Variants in TMEM217 observed in about 807,000 individuals in gnomAD.
TMEM217 encodes the protein chromosome 6 open reading frame 128.
For synonymous variants in TMEM217, 76 were observed against 88.3 expected, an observed-to-expected ratio of 0.86 and a Z score of 0.78; for missense variants, 204 against 248.8, an observed-to-expected ratio of 0.82 and a Z score of 1.21.
rs74498453 is a variant in TMEM217 at position 37,231,799 on chromosome 6, A to T, written c.-11-12758T>A. 1.2e-4 allele frequency among the ~76,000 whole-genome samples: 17 copies of T among 145,426 alleles called. No homozygotes were observed. In the Admixed American group the frequency reaches 1.2e-3, roughly 10 times the overall value. ...TTTTCAATGTAGAGATAAATGTACA[A>T]TTTTTTTTTTTCAGGAAATGGGGCT... On this transcript the variant is annotated intron_variant, in intron 1 of 1. Coordinates refer to ENST00000357219, the Ensembl canonical transcript of TMEM217.
chr6:37,255,813 A>G (rs1173025293), intron 1 of TMEM217, among the ~76,000 whole-genome samples: 1 of 152,198 alleles, frequency 6.6e-6, no homozygotes, highest in Non-Finnish European at 1.5e-5. Context: ...TAGGGTGACC[A>G]AGTGGTAGTG....
intron 1 of TMEM217, among the ~76,000 whole-genome samples, chr6:37,223,254 A>T (rs953984450): frequency 6.6e-6 from 1 of 152,298 alleles, no homozygotes; most frequent in South Asian, 2.1e-4. Context: ...CAATGCACAG[A>T]TTCAAGAAAC....
At chr6:37,218,632 C>T in exon 2 of TMEM217, 3 of 1,614,120 alleles carry the variant, frequency 1.9e-6, no homozygotes, top group African/African-American at 1.3e-5. Context: ...CTGTACGAGA[C>T]ACCAAGCCAA....
downstream of TMEM217, among the ~76,000 whole-genome samples, chr6:37,214,376 C>A (rs545254817): frequency 6.6e-6 from 1 of 151,998 alleles, no homozygotes; most frequent in Non-Finnish European, 1.5e-5. Flanking sequence ...TACAAGCGTG[C>A]GCCAGCATGC....
chr6:37,214,457 C>A (rs900704579), downstream of TMEM217, among the ~76,000 whole-genome samples: 1 of 152,146 alleles, frequency 6.6e-6, no homozygotes, highest in Non-Finnish European at 1.5e-5. Flanking sequence ...GAACCCCTGA[C>A]CACAAGTGAT....
At chr6:37,242,008 A>ATTT (rs35494889) in intron 1 of TMEM217, among the ~76,000 whole-genome samples, 3 of 130,030 alleles carry the variant, frequency 2.3e-5, no homozygotes, top group Non-Finnish European at 5.0e-5. Flanking sequence ...TTCGATCTCA[A>ATTT]TTTTTTTTTT....
chr6:37,236,123 T>C (rs1764488795), intron 1 of TMEM217, among the ~76,000 whole-genome samples: 3 of 152,180 alleles, frequency 2.0e-5, no homozygotes, highest in South Asian at 4.1e-4. Flanking sequence ...CTGAAAAAAG[T>C]GTGTAGTGTT....
chr6:37,218,582 G>A (rs866950807), exon 2 of TMEM217: 1 of 1,614,154 alleles, frequency 6.2e-7, no homozygotes, highest in Admixed American at 1.7e-5. Flanking sequence ...GGTTATGTGG[G>A]CATAGTTGAT....
At chr6:37,219,127 A>AG in intron 1 of TMEM217, 86 bp from the exon 2 acceptor site, 1 of 1,206,634 alleles carries the variant, frequency 8.3e-7, no homozygotes, top group Non-Finnish European at 1.2e-6. Context: ...CCCCAAATCT[A>AG]CTTTGGAGAA....
chr6:37,253,157 C>T (rs1765537664), intron 1 of TMEM217, among the ~76,000 whole-genome samples: 1 of 152,070 alleles, frequency 6.6e-6, no homozygotes, highest in Non-Finnish European at 1.5e-5. Context: ...TTTTGATGTG[C>T]TATGTAGCAT....
At chr6:37,237,222 G>A (rs1764550814) in intron 1 of TMEM217, among the ~76,000 whole-genome samples, 1 of 152,178 alleles carries the variant, frequency 6.6e-6, no homozygotes, top group Non-Finnish European at 1.5e-5. Flanking sequence ...GTATCTGAGT[G>A]TTCACAATCA....
chr6:37,217,820 T>G (rs916385606), exon 2 of TMEM217: 6 of 985,414 alleles, frequency 6.1e-6, no homozygotes, highest in Non-Finnish European at 7.2e-6. Flanking sequence ...TGAAGGCTAA[T>G]GAAGATGCCA....
chr6:37,243,561 C>T (rs1325640245), intron 1 of TMEM217, among the ~76,000 whole-genome samples: 1 of 152,134 alleles, frequency 6.6e-6, no homozygotes, highest in Admixed American at 6.6e-5. Flanking sequence ...AGTTATTACT[C>T]AAATCAATCT....
chr6:37,221,123 G>A (rs1415465719), intron 1 of TMEM217, among the ~76,000 whole-genome samples: 2 of 151,770 alleles, frequency 1.3e-5, no homozygotes, highest in African/African-American at 2.4e-5. Flanking sequence ...CCCAGCTCCT[G>A]GAAACTATCA....
At chr6:37,240,889 T>A (rs1447297114) in intron 1 of TMEM217, among the ~76,000 whole-genome samples, 5 of 152,184 alleles carry the variant, frequency 3.3e-5, no homozygotes, top group Non-Finnish European at 7.3e-5. Context: ...TCTATTTTGA[T>A]TTATTCTCTT....
At chr6:37,215,992 A>AGG (rs1247057304), downstream of TMEM217, among the ~76,000 whole-genome samples, 1 of 92,454 alleles carries the variant, frequency 1.1e-5, no homozygotes, top group Non-Finnish European at 2.2e-5. Context: ...GAGGTTCTTC[A>AGG]GGGTGTGTGT....
At chr6:37,235,986 T>C (rs1764481636) in intron 1 of TMEM217, among the ~76,000 whole-genome samples, 1 of 152,190 alleles carries the variant, frequency 6.6e-6, no homozygotes, top group Non-Finnish European at 1.5e-5. Context: ...TATCTTTATG[T>C]AGAGTTTAAA....
At chr6:37,226,743 T>C (rs1478932427) in intron 1 of TMEM217, among the ~76,000 whole-genome samples, 1 of 151,976 alleles carries the variant, frequency 6.6e-6, no homozygotes, top group Non-Finnish European at 1.5e-5. Context: ...TTTGTATTTT[T>C]AGTAGAGAGG....
chr6:37,256,139 G>T (rs926304526), intron 1 of TMEM217, among the ~76,000 whole-genome samples: 1 of 152,220 alleles, frequency 6.6e-6, no homozygotes, highest in Non-Finnish European at 1.5e-5. Context: ...ATGTGCATAA[G>T]CTGGAAAGTG....
Sources: allele counts gnomAD v4.1 joint callset (sites outside exome capture counted in the v4.1 genomes callset), GRCh38; gene constraint gnomAD v4.1.1; transcripts MANE v1.5; gene names NCBI Gene and HGNC (gene_info 2026-07-23, HGNC 2026-07-21).